The following KCNH7 variants were observed in gnomAD, a reference collection of about 807,000 sequenced individuals.
KCNH7 encodes the protein potassium voltage-gated channel subfamily H member 7.
A neutral mutation model predicts 120.8 loss-of-function variants in KCNH7; 49 were observed. The observed-to-expected ratio is 0.41, with a 90% CI of 0.32 to 0.51. The LOEUF (loss-of-function observed/expected upper bound fraction) is 0.51. Ranked by LOEUF, KCNH7 falls within the 20% of genes least tolerant of loss-of-function variation. The pLI is 0.38. For synonymous variants in KCNH7, 547 were observed against 516.1 expected (o/e 1.06, Z -0.81); for missense variants, 1,097 against 1,446.6 (o/e 0.76, Z 3.92).
At position 162,749,720 on chromosome 2, in the gene KCNH7, A is replaced by C. The variant is rs1426690108; in HGVS notation, c.307+86817T>G. Reference sequence around the variant, plus strand: ...TGAATTATAGTTGGGCAGGAAGTACATGACAGATAATACCAAAAGCAATAC... The same window carrying C: ...TGAATTATAGTTGGGCAGGAAGTACCTGACAGATAATACCAAAAGCAATAC... On this transcript the variant is annotated intron_variant, in intron 2 of 15. Transcript: ENST00000332142. Among the ~76,000 whole-genome samples the C allele has an allele frequency of 3.9e-5, 6 of 152,304 alleles. No individual in the cohort carries two copies. In the East Asian group the frequency reaches 7.7e-4, roughly 20 times the overall value.
At chr2:162,544,077 G>A (rs1166542263) in intron 2 of KCNH7, among the ~76,000 whole-genome samples, 1 of 152,062 alleles carries the variant, frequency 6.6e-6, no homozygotes, top group African/African-American at 2.4e-5. Context: ...TAGGGGGAAG[G>A]CCCTTTTATC....
intron 1 of KCNH7, among the ~76,000 whole-genome samples, chr2:162,838,238 T>C (rs755826702): frequency 6.6e-6 from 1 of 152,152 alleles, no homozygotes; most frequent in Non-Finnish European, 1.5e-5. Flanking sequence ...TTGCCTCCTA[T>C]AATGGAGACC....
intron 2 of KCNH7, among the ~76,000 whole-genome samples, chr2:162,582,848 T>C (rs1693923175): frequency 6.6e-6 from 1 of 152,114 alleles, no homozygotes; most frequent in South Asian, 2.1e-4. Context: ...AGATTAAACC[T>C]GATTTTTCTA....
intron 2 of KCNH7, among the ~76,000 whole-genome samples, chr2:162,606,104 A>G (rs578039556): frequency 1.3e-5 from 2 of 152,242 alleles, no homozygotes; most frequent in East Asian, 3.9e-4. Flanking sequence ...TAGATTTTAT[A>G]AGCAGTGGCT....
chr2:162,705,858 A>T (rs1686681043), intron 2 of KCNH7, among the ~76,000 whole-genome samples: 1 of 152,176 alleles, frequency 6.6e-6, no homozygotes, highest in East Asian at 1.9e-4. Flanking sequence ...AAAATGACTT[A>T]AAAATTAAGT....
intron 3 of KCNH7, among the ~76,000 whole-genome samples, chr2:162,535,538 G>A (rs1447125924): frequency 6.6e-6 from 1 of 151,538 alleles, no homozygotes; most frequent in African/African-American, 2.4e-5. Flanking sequence ...TGAAAGACAC[G>A]AAAATTAGAC....
At chr2:162,827,690 G>T (rs188847172) in intron 2 of KCNH7, among the ~76,000 whole-genome samples, 1 of 152,268 alleles carries the variant, frequency 6.6e-6, no homozygotes, top group Non-Finnish European at 1.5e-5. Context: ...GTAGGTTGAG[G>T]TTTAAGAGGT....
At chr2:162,779,846 A>C (rs1683409033) in intron 2 of KCNH7, among the ~76,000 whole-genome samples, 1 of 152,136 alleles carries the variant, frequency 6.6e-6, no homozygotes, top group African/African-American at 2.4e-5. Context: ...ACTTTAATTA[A>C]TCTCTCTCTT....
intron 2 of KCNH7, among the ~76,000 whole-genome samples, chr2:162,581,415 T>C (rs1426758448): frequency 6.6e-6 from 1 of 152,092 alleles, no homozygotes. Context: ...CAACAATCAC[T>C]ACTATAACAG....
intron 9 of KCNH7, among the ~76,000 whole-genome samples, chr2:162,415,704 T>A (rs754873085): frequency 2.6e-5 from 4 of 152,080 alleles, no homozygotes; most frequent in African/African-American, 7.2e-5. Flanking sequence ...TTTAAAAAAA[T>A]TTATAAATCT....
At chr2:162,607,675 G>A (rs572201711) in intron 2 of KCNH7, among the ~76,000 whole-genome samples, 43 of 152,160 alleles carry the variant, frequency 2.8e-4, no homozygotes, top group African/African-American at 1.0e-3. Context: ...TTAAAGCTAT[G>A]TAAAATAATC....
intron 9 of KCNH7, among the ~76,000 whole-genome samples, chr2:162,410,759 T>C (rs1405882779): frequency 6.6e-6 from 1 of 151,134 alleles, no homozygotes; most frequent in African/African-American, 2.4e-5. Flanking sequence ...CAAGCAAAAA[T>C]CAAAGAACTC....
intron 2 of KCNH7, among the ~76,000 whole-genome samples, chr2:162,663,341 CTTG>C (rs1479255899): frequency 2.6e-5 from 4 of 152,122 alleles, no homozygotes; most frequent in African/African-American, 7.2e-5. Context: ...AGAAATTTTT[CTTG>C]TTATGTTTTC....
At chr2:162,686,492 G>A (rs1199987873) in intron 2 of KCNH7, among the ~76,000 whole-genome samples, 1 of 152,086 alleles carries the variant, frequency 6.6e-6, no homozygotes, top group South Asian at 2.1e-4. Context: ...TGGTATAGAT[G>A]TTTGTCATGG....
Position 162,446,280 on chromosome 2 carries a change from A to G in KCNH7, c.1292T>C (p.Phe431Ser). 1 of 1,613,922 alleles carries G rather than the reference A, an allele frequency of 6.2e-7. No individual in the cohort carries two copies. ...TAIFTPYSAAFLLNDREEQKR... is the reference protein window; with the variant it reads ...TAIFTPYSAASLLNDREEQKR... ...CTGTTCTTCTCTGTCATTGAGGAGG[A>G]AGGCTGCAGAGTAGGGAGTAAATAT... The change falls in exon 7 of 16, where the codon TTC becomes TCC. Residue 431 changes from phenylalanine to serine, a missense_variant. Around this residue, in one of 8 missense-constraint regions of KCNH7, gnomAD observed 109 missense variants for 196.8 expected, o/e 0.55. Coordinates refer to ENST00000332142, the MANE Select transcript of KCNH7 (RefSeq NM_033272.4).
intron 5 of KCNH7, among the ~76,000 whole-genome samples, chr2:162,508,718 C>T (rs1230065928): frequency 1.3e-5 from 2 of 151,364 alleles, no homozygotes; most frequent in Non-Finnish European, 3.0e-5. Flanking sequence ...GACCAGAATG[C>T]AGGGTTTCCT....
At chr2:162,638,975 T>G (rs1056755539) in intron 2 of KCNH7, among the ~76,000 whole-genome samples, 1 of 152,172 alleles carries the variant, frequency 6.6e-6, no homozygotes, top group Non-Finnish European at 1.5e-5. Context: ...CTCATAATTC[T>G]TTGTTATCGG....
At chr2:162,581,765 T>C (rs1178655357) in intron 2 of KCNH7, among the ~76,000 whole-genome samples, 1 of 151,992 alleles carries the variant, frequency 6.6e-6, no homozygotes, top group Admixed American at 6.6e-5. Context: ...ATGCCAGGAG[T>C]AAAATGACAA....
intron 2 of KCNH7, among the ~76,000 whole-genome samples, chr2:162,789,315 T>C (rs1466361004): frequency 6.6e-6 from 1 of 152,100 alleles, no homozygotes; most frequent in African/African-American, 2.4e-5. Flanking sequence ...CATCATCATT[T>C]GCTAATAGAT....
Sources: gnomAD v4.1 joint callset for allele counts (sites outside exome capture counted in the v4.1 genomes callset) on GRCh38, gnomAD v4.1.1 for gene constraint, gnomAD v4.1.1 regional missense constraint, MANE v1.5 for transcripts, NCBI Gene and HGNC (gene_info 2026-07-23, HGNC 2026-07-21) for gene names.